RABGAP1L: variants seen among roughly 807,000 people sequenced by gnomAD.
The protein encoded by RABGAP1L is RAB GTPase activating protein 1 like, also known as rab GTPase-activating protein 1-like.
A neutral mutation model predicts 137.7 loss-of-function variants in RABGAP1L; 63 were observed. The ratio of observed to expected loss-of-function variants is 0.46; its 90% CI spans 0.37 to 0.56. The LOEUF is 0.56. Ranked by LOEUF, RABGAP1L falls within the 20% of genes least tolerant of loss-of-function variation. RABGAP1L has a pLI of 0.00. For synonymous variants in RABGAP1L, 431 were observed against 433.7 expected, an observed-to-expected ratio of 0.99 and a Z score of 0.08; for missense variants, 1,095 against 1,244.0, an observed-to-expected ratio of 0.88 and a Z score of 1.80.
intron 24 of RABGAP1L, 111 bp from the exon 25 acceptor site, chr1:174,988,530 G>T: frequency 1.1e-6 from 1 of 920,560 alleles, no homozygotes; most frequent in Non-Finnish European, 1.5e-6. Context: ...CTTCAGAAAT[G>T]GGCCTGCATC....
At chr1:174,880,100 C>A (rs1164846497) in intron 19 of RABGAP1L, among the ~76,000 whole-genome samples, 1 of 151,278 alleles carries the variant, frequency 6.6e-6, no homozygotes, top group Non-Finnish European at 1.5e-5. Flanking sequence ...ACCATAATAT[C>A]TTTCTGGAAG....
chr1:174,395,838 TAAAAAA>T (rs59466961), intron 13 of RABGAP1L, among the ~76,000 whole-genome samples: 1 of 125,876 alleles, frequency 7.9e-6, no homozygotes, highest in Non-Finnish European at 1.7e-5. Context: ...ACCCTGTCTC[TAAAAAA>T]AAAAAAAAAA....
intron 13 of RABGAP1L, among the ~76,000 whole-genome samples, chr1:174,399,705 G>A (rs188255008): frequency 5.3e-5 from 8 of 152,192 alleles, no homozygotes; most frequent in Non-Finnish European, 7.4e-5. Context: ...ATTTACAATC[G>A]TGGCGGAAAG....
In RABGAP1L at chr1:174,320,457, T is replaced by C. The variant is rs10158071; in HGVS notation, c.1465+15330T>C. Among the ~76,000 whole-genome samples the C allele has an allele frequency of 9.5e-3, 1,444 of 152,278 alleles. 23 individuals carry two copies. The highest frequency in any genetic ancestry group is 0.033 in the African/African-American group (1,384 of 41,562). On this transcript the variant is annotated intron_variant, in intron 11 of 25. Coordinates refer to ENST00000681986, the MANE Select transcript of RABGAP1L (RefSeq NM_001366446.1). The stretch of plus-strand genomic sequence containing the variant: ...TGAGTAGCAATCTGTTGTATAGATA[T>C]GCTGCAGTTTAGTCATGAGTTAATG...
chr1:174,770,743 G>A (rs1046327601), intron 18 of RABGAP1L, among the ~76,000 whole-genome samples: 1 of 152,156 alleles, frequency 6.6e-6, no homozygotes, highest in Non-Finnish European at 1.5e-5. Flanking sequence ...ATGAAGGTCT[G>A]TTCTGCCCCC....
At chr1:174,469,650 A>G (rs1558261188) in intron 13 of RABGAP1L, among the ~76,000 whole-genome samples, 2 of 152,162 alleles carry the variant, frequency 1.3e-5, no homozygotes, top group Admixed American at 6.5e-5. Context: ...ATCCCTCACT[A>G]TAAGCTCTCT....
chr1:174,833,960 G>C (rs1295373355), intron 19 of RABGAP1L, among the ~76,000 whole-genome samples: 1 of 152,090 alleles, frequency 6.6e-6, no homozygotes, highest in Non-Finnish European at 1.5e-5. Context: ...CAGCTAAAGA[G>C]GAATAATTAA....
rs138973419 is a variant in RABGAP1L at position 174,902,932 on chromosome 1, G to A, written c.2341-54525G>A. 2.6e-5 allele frequency among the ~76,000 whole-genome samples: 4 copies of A among 152,160 alleles called. No homozygotes were observed. In the East Asian group the frequency reaches 5.8e-4, roughly 22 times the overall value. Reference sequence around the variant, plus strand: ...TAATGGACCACAGCTGTTTCTAATCGGCCATCTTGGATTGATCTCTGAAGC... The same window carrying A: ...TAATGGACCACAGCTGTTTCTAATCAGCCATCTTGGATTGATCTCTGAAGC... On this transcript the variant is annotated intron_variant, in intron 19 of 25. Transcript: ENST00000681986.
At chr1:174,258,089 C>G (rs938230568) in intron 7 of RABGAP1L, among the ~76,000 whole-genome samples, 1 of 152,184 alleles carries the variant, frequency 6.6e-6, no homozygotes, top group African/African-American at 2.4e-5. Context: ...CTAAACAATA[C>G]TTTGTTCAGC....
At chr1:174,496,141 T>C (rs1660711762) in intron 13 of RABGAP1L, among the ~76,000 whole-genome samples, 1 of 152,220 alleles carries the variant, frequency 6.6e-6, no homozygotes, top group East Asian at 1.9e-4. Flanking sequence ...TTTCACAATA[T>C]GTATTAACAA....
At chr1:174,745,664 G>A (rs1683811080) in intron 17 of RABGAP1L, among the ~76,000 whole-genome samples, 1 of 152,164 alleles carries the variant, frequency 6.6e-6, no homozygotes, top group Non-Finnish European at 1.5e-5. Flanking sequence ...CTGTTGAGAG[G>A]ATTAAGTGAA....
At chr1:174,365,054 A>G (rs2148978296) in intron 11 of RABGAP1L, among the ~76,000 whole-genome samples, 1 of 152,288 alleles carries the variant, frequency 6.6e-6, no homozygotes, top group East Asian at 1.9e-4. Flanking sequence ...AAGCAGAAAG[A>G]AGGAGACACT....
intron 1 of RABGAP1L, among the ~76,000 whole-genome samples, chr1:174,169,226 T>G (rs2148220542): frequency 1.4e-5 from 2 of 145,232 alleles, no homozygotes; most frequent in Middle Eastern, 7.2e-3. Flanking sequence ...TATAAAGGTG[T>G]TTTTTTTTTT....
chr1:174,348,942 T>A (rs1454568741), intron 11 of RABGAP1L, among the ~76,000 whole-genome samples: 1 of 152,192 alleles, frequency 6.6e-6, no homozygotes, highest in Non-Finnish European at 1.5e-5. Context: ...GCCGCCATTG[T>A]CATCCTGGCC....
intron 13 of RABGAP1L, among the ~76,000 whole-genome samples, chr1:174,427,753 A>G (rs1652128965): frequency 6.6e-6 from 1 of 152,236 alleles, no homozygotes; most frequent in Non-Finnish European, 1.5e-5. Flanking sequence ...ACTATATAAA[A>G]TAATATTTTA....
intron 15 of RABGAP1L, among the ~76,000 whole-genome samples, chr1:174,697,271 A>G (rs1679327723): frequency 6.6e-6 from 1 of 152,188 alleles, no homozygotes; most frequent in Non-Finnish European, 1.5e-5. Flanking sequence ...TTAGAAAGAG[A>G]GAGACTTAAG....
intron 7 of RABGAP1L, among the ~76,000 whole-genome samples, chr1:174,260,010 T>C (rs1203108409): frequency 1.3e-4 from 20 of 152,114 alleles, no homozygotes; most frequent in Non-Finnish European, 2.9e-5. Context: ...AATTTTTGTA[T>C]GTTTAGTAAA....
At chr1:174,343,108 T>C (rs16846878) in intron 11 of RABGAP1L, among the ~76,000 whole-genome samples, 4,382 of 152,298 alleles carry the variant, frequency 0.029, 212 homozygotes, top group African/African-American at 0.096. Context: ...CTTGGCAACT[T>C]GTTTTTCACC....
At chr1:174,194,047 A>G (rs1166988196) in intron 1 of RABGAP1L, among the ~76,000 whole-genome samples, 1 of 152,152 alleles carries the variant, frequency 6.6e-6, no homozygotes. Flanking sequence ...TGATCCATGT[A>G]GAAGCCATGA....
Sources: gnomAD v4.1 joint callset for allele counts (sites outside exome capture counted in the v4.1 genomes callset) on GRCh38, gnomAD v4.1.1 for gene constraint, MANE v1.5 for transcripts, NCBI Gene and HGNC (gene_info 2026-07-23, HGNC 2026-07-21) for gene names.